Variants in TMPRSS15 observed in about 807,000 individuals in gnomAD.
The protein encoded by TMPRSS15 is enteropeptidase.
In TMPRSS15, 128 loss-of-function variants were observed where a neutral mutation model predicts 125.3. The ratio of observed to expected loss-of-function variants is 1.02; its 90% CI spans 0.89 to 1.18. The LOEUF is 1.18. Ranked by LOEUF, TMPRSS15 falls within the 50% of genes most tolerant of loss-of-function variation. TMPRSS15 has a pLI of 0.00. For missense variants in TMPRSS15, 1,283 were observed against 1,212.7 expected (o/e 1.06, Z -0.86); for synonymous variants, 446 against 423.2 (o/e 1.05, Z -0.66).
intron 16 of TMPRSS15, among the ~76,000 whole-genome samples, chr21:18,318,812 T>C (rs2075202815): frequency 1.3e-5 from 2 of 152,242 alleles, no homozygotes; most frequent in Non-Finnish European, 2.9e-5. Context: ...GTAAACTGAA[T>C]ATACAATATG....
intron 14 of TMPRSS15, 98 bp from the exon 15 acceptor site, chr21:18,329,392 CA>C (rs1394005478): frequency 1.9e-5 from 25 of 1,286,128 alleles, no homozygotes; most frequent in Non-Finnish European, 2.6e-5. Context: ...AAAAAAAAAT[CA>C]ATTTTTTTTC....
At chr21:18,311,014 T>C (rs1048126574) in intron 18 of TMPRSS15, among the ~76,000 whole-genome samples, 2 of 150,160 alleles carry the variant, frequency 1.3e-5, no homozygotes, top group African/African-American at 4.9e-5. Flanking sequence ...TAGATGATGC[T>C]GGGAAAACTG....
chr21:18,360,650 C>T (rs926567732), intron 7 of TMPRSS15, among the ~76,000 whole-genome samples: 2 of 151,948 alleles, frequency 1.3e-5, no homozygotes, highest in Non-Finnish European at 2.9e-5. Context: ...ATGTGTTTGT[C>T]TTTTTGCCAG....
At chr21:18,284,788 G>A (rs1296038299) in intron 21 of TMPRSS15, among the ~76,000 whole-genome samples, 3 of 152,096 alleles carry the variant, frequency 2.0e-5, no homozygotes, top group Non-Finnish European at 4.4e-5. Context: ...ATCACCTGAG[G>A]TCAGGAGTTC....
intron 21 of TMPRSS15, among the ~76,000 whole-genome samples, chr21:18,292,392 G>C (rs1045720920): frequency 1.2e-4 from 18 of 152,158 alleles, no homozygotes; most frequent in African/African-American, 4.3e-4. Context: ...TGAGATCCAA[G>C]AATCCTCTCT....
At chr21:18,360,405 A>G (rs1181650333) in intron 7 of TMPRSS15, among the ~76,000 whole-genome samples, 4 of 152,090 alleles carry the variant, frequency 2.6e-5, no homozygotes, top group Non-Finnish European at 5.9e-5. Flanking sequence ...GGGAGTGCAG[A>G]TATTTCATTC....
At chr21:18,456,427 A>G (rs2123265794) in intron 1 of TMPRSS15, among the ~76,000 whole-genome samples, 1 of 152,280 alleles carries the variant, frequency 6.6e-6, no homozygotes, top group Non-Finnish European at 1.5e-5. Flanking sequence ...TTAATTAAAC[A>G]CATACACACA....
chr21:18,300,283 T>A lies in TMPRSS15; in HGVS notation c.2166-2454A>T, dbSNP rs868333215. Among the ~76,000 whole-genome samples, 5 of 122,184 alleles carry A rather than the reference T, an allele frequency of 4.1e-5. No homozygotes were observed. The Middle Eastern group carries it at 0.017, about 412-fold the overall frequency. The allele number at this position is 122,184 out of a possible 152,430, so 80.2% of individuals were successfully genotyped here. ...TCTCTTTCTTTCTCTCTTCTTTCTCTCTCTCTTTCTTTCTCTCTCTCTCTC... is the reference window on the plus strand; with the variant it reads ...TCTCTTTCTTTCTCTCTTCTTTCTCACTCTCTTTCTTTCTCTCTCTCTCTC... On this transcript the variant is annotated intron_variant, in intron 18 of 24. Transcript: ENST00000284885.
At chr21:18,426,047 A>C (rs548701813) in intron 1 of TMPRSS15, among the ~76,000 whole-genome samples, 1 of 152,178 alleles carries the variant, frequency 6.6e-6, no homozygotes, top group South Asian at 2.1e-4. Flanking sequence ...GAACTCTTTT[A>C]TAGCCTGCAT....
chr21:18,444,593 C>A (rs2076250845), intron 1 of TMPRSS15, among the ~76,000 whole-genome samples: 1 of 152,094 alleles, frequency 6.6e-6, no homozygotes, highest in African/African-American at 2.4e-5. Flanking sequence ...TGTAAGAAAT[C>A]TGCACGTTGT....
intron 13 of TMPRSS15, among the ~76,000 whole-genome samples, chr21:18,338,691 C>T (rs1181413408): frequency 1.3e-5 from 2 of 149,714 alleles, no homozygotes; most frequent in African/African-American, 2.5e-5. Flanking sequence ...AGAGTATATC[C>T]AAAAGAGAGA....
chr21:18,292,588 C>T (rs1029763443), intron 21 of TMPRSS15, among the ~76,000 whole-genome samples: 2 of 152,092 alleles, frequency 1.3e-5, no homozygotes, highest in Admixed American at 6.6e-5. Context: ...TTACTGCGAG[C>T]CTGATTGATG....
intron 9 of TMPRSS15, 84 bp from the exon 10 acceptor site, chr21:18,353,136 A>C: frequency 8.2e-7 from 1 of 1,216,280 alleles, no homozygotes; most frequent in South Asian, 1.3e-5. Context: ...AAATAATCTA[A>C]CCTTATACAG....
chr21:18,344,856 G>A (rs560981220), intron 10 of TMPRSS15, among the ~76,000 whole-genome samples: 5 of 152,196 alleles, frequency 3.3e-5, no homozygotes, highest in Admixed American at 1.3e-4. Context: ...TAAAGCAAAT[G>A]TGATGTTGGA....
chr21:18,464,691 C>G lies in TMPRSS15; in HGVS notation c.10+21108G>C, dbSNP rs2122954823. On this transcript the variant is annotated intron_variant, in intron 1 of 7. Transcript: ENST00000422787. The stretch of plus-strand genomic sequence containing the variant: ...TGGATAAATTCCTGGACACATACAC[C>G]CCTGCAAGACTAAACCAGGAAGAAG... Among the ~76,000 whole-genome samples the G allele has an allele frequency of 9.2e-5, 14 of 152,096 alleles. No homozygotes were observed. In the East Asian group the frequency reaches 2.1e-3, roughly 23 times the overall value.
chr21:18,439,172 C>T (rs2076235734), intron 1 of TMPRSS15, among the ~76,000 whole-genome samples: 1 of 152,112 alleles, frequency 6.6e-6, no homozygotes, highest in East Asian at 1.9e-4. Flanking sequence ...TACAAACTTA[C>T]CCATGGAAAA....
chr21:18,472,797 A>T (rs1419311456), intron 1 of TMPRSS15, among the ~76,000 whole-genome samples: 1 of 152,072 alleles, frequency 6.6e-6, no homozygotes, highest in Non-Finnish European at 1.5e-5. Context: ...ACATATTTGA[A>T]GTTAGGGCTA....
At chr21:18,270,160 G>A (rs1278596677) in intron 24 of TMPRSS15, 36 bp from the exon 25 acceptor site, 9 of 1,570,964 alleles carry the variant, frequency 5.7e-6, no homozygotes, top group Non-Finnish European at 7.0e-6. Context: ...TTGTAGATAT[G>A]TGGTCAATTG....
At chr21:18,359,563 G>A (rs534701273) in intron 8 of TMPRSS15, among the ~76,000 whole-genome samples, 194 bp downstream of exon 8, 82 of 151,562 alleles carry the variant, frequency 5.4e-4, no homozygotes, top group African/African-American at 1.7e-3. Flanking sequence ...ATGTTAAAAC[G>A]TAACTGCTTT....
Sources: gnomAD v4.1 joint callset for allele counts (sites outside exome capture counted in the v4.1 genomes callset) on GRCh38, gnomAD v4.1.1 for gene constraint, MANE v1.5 for transcripts, NCBI Gene and HGNC (gene_info 2026-07-23, HGNC 2026-07-21) for gene names.